Variants in EPHA6 observed in about 807,000 individuals in gnomAD.
The protein encoded by EPHA6 is EPH receptor A6.
EPHA6 carries 50 observed loss-of-function variants against 112.0 expected under a neutral mutation model. That is an observed-to-expected ratio of 0.45 (90% CI 0.36 to 0.56). The LOEUF (loss-of-function observed/expected upper bound fraction) is 0.56. EPHA6 is among the 20% of genes least tolerant of loss of function. The pLI is 0.00. For synonymous variants in EPHA6, 529 were observed against 490.7 expected, an observed-to-expected ratio of 1.08 and a Z score of -1.03; for missense variants, 1,280 against 1,417.4, an observed-to-expected ratio of 0.90 and a Z score of 1.56.
chr3:97,659,862 A>G (rs770595324), intron 14 of EPHA6, among the ~76,000 whole-genome samples: 1 of 152,020 alleles, frequency 6.6e-6, no homozygotes, highest in Non-Finnish European at 1.5e-5. Flanking sequence ...TTTAGAACAC[A>G]TTTGTTCAAG....
At chr3:97,226,198 G>C in intron 3 of EPHA6, 66 bp from the exon 4 acceptor site, 1 of 1,342,516 alleles carries the variant, frequency 7.4e-7, no homozygotes, top group Non-Finnish European at 1.0e-6. Context: ...AAAGTATGTT[G>C]TACATGTACA....
chr3:97,121,642 A>C (rs532756810), intron 3 of EPHA6, among the ~76,000 whole-genome samples: 6 of 152,222 alleles, frequency 3.9e-5, no homozygotes, highest in Non-Finnish European at 8.8e-5. Context: ...ACACTCATGG[A>C]GCACTGTAGG....
chr3:97,599,622 C>G (rs1277722204), intron 12 of EPHA6, among the ~76,000 whole-genome samples: 7 of 151,658 alleles, frequency 4.6e-5, no homozygotes, highest in African/African-American at 1.7e-4. Context: ...TTCCATTGAT[C>G]TATATCTCTG....
chr3:97,684,184 T>C (rs1458714971), intron 14 of EPHA6, among the ~76,000 whole-genome samples: 1 of 152,190 alleles, frequency 6.6e-6, no homozygotes, highest in East Asian at 1.9e-4. Flanking sequence ...TTAATTCTTT[T>C]TCGTACTCAG....
chr3:96,929,488 A>G (rs1487112371), intron 2 of EPHA6, among the ~76,000 whole-genome samples: 1 of 152,154 alleles, frequency 6.6e-6, no homozygotes, highest in Non-Finnish European at 1.5e-5. Flanking sequence ...TCCTTCACTT[A>G]TGAAGCTTAG....
At chr3:96,952,873 T>A (rs576990716) in intron 2 of EPHA6, among the ~76,000 whole-genome samples, 1 of 151,370 alleles carries the variant, frequency 6.6e-6, no homozygotes, top group South Asian at 2.1e-4. Flanking sequence ...CTGTGGAGGG[T>A]GGGAGGAGGG....
chr3:97,671,391 A>T (rs2030808759), intron 14 of EPHA6, among the ~76,000 whole-genome samples: 1 of 152,168 alleles, frequency 6.6e-6, no homozygotes, highest in Non-Finnish European at 1.5e-5. Flanking sequence ...GGACTTCTAT[A>T]ATCTGTTCAT....
intron 1 of EPHA6, among the ~76,000 whole-genome samples, chr3:96,836,077 A>G (rs1462011118): frequency 6.6e-6 from 1 of 152,120 alleles, no homozygotes; most frequent in East Asian, 1.9e-4. Flanking sequence ...TGGCTACTAC[A>G]TGAGGTATGC....
At chr3:97,084,785 T>C (rs924772996) in intron 3 of EPHA6, among the ~76,000 whole-genome samples, 6 of 152,068 alleles carry the variant, frequency 3.9e-5, no homozygotes, top group African/African-American at 4.8e-5. Flanking sequence ...CCCAGGCTCA[T>C]GGATTGGAAG....
chr3:97,329,811 CTTTAG>C (rs1464278480), intron 5 of EPHA6, among the ~76,000 whole-genome samples: 2 of 151,956 alleles, frequency 1.3e-5, no homozygotes, highest in African/African-American at 4.8e-5. Context: ...TGCAGAAGCT[CTTTAG>C]TTTAATTAGA....
intron 1 of EPHA6, among the ~76,000 whole-genome samples, chr3:96,847,501 T>C (rs922205077): frequency 1.3e-5 from 2 of 152,078 alleles, no homozygotes; most frequent in Non-Finnish European, 2.9e-5. Flanking sequence ...AATAAAGTAA[T>C]GTTTCTCTTA....
chr3:97,708,686 G>A lies in EPHA6; in HGVS notation c.2785-11575G>A, dbSNP rs116126377. On this transcript the variant is annotated intron_variant, in intron 14 of 17. Coordinates refer to ENST00000389672, the MANE Select transcript of EPHA6 (RefSeq NM_001080448.3). ...CTTCATGGCAGTTCTTCCCAACACA[G>A]GCCTGGAGGCCTAGGAGTGAAAAGT... Among the ~76,000 whole-genome samples the A allele has an allele frequency of 6.4e-3, 977 of 152,340 alleles. 11 individuals are homozygous for A. The highest frequency in any genetic ancestry group is 0.022 in the African/African-American group (932 of 41,580).
intron 3 of EPHA6, among the ~76,000 whole-genome samples, chr3:97,087,274 G>T (rs879431679): frequency 1.3e-5 from 2 of 152,118 alleles, no homozygotes; most frequent in African/African-American, 4.8e-5. Context: ...CCTTGATGGG[G>T]ATGTTGTGTC....
At chr3:97,469,021 G>A (rs1168083843) in intron 7 of EPHA6, among the ~76,000 whole-genome samples, 1 of 151,632 alleles carries the variant, frequency 6.6e-6, no homozygotes, top group African/African-American at 2.4e-5. Context: ...ATAGTTTGGA[G>A]GCAAACGTTT....
chr3:97,637,131 A>C (rs896873705), intron 13 of EPHA6, among the ~76,000 whole-genome samples: 8 of 152,072 alleles, frequency 5.3e-5, no homozygotes, highest in African/African-American at 1.9e-4. Context: ...ATCAAGGTGG[A>C]GGGAATAAGA....
At chr3:97,402,868 C>T (rs1187817763) in intron 5 of EPHA6, among the ~76,000 whole-genome samples, 1 of 152,064 alleles carries the variant, frequency 6.6e-6, no homozygotes, top group East Asian at 1.9e-4. Flanking sequence ...AATACTTTGT[C>T]CTTAGAACAC....
At chr3:96,850,931 CAT>C (rs1212308389) in intron 1 of EPHA6, among the ~76,000 whole-genome samples, 1 of 151,908 alleles carries the variant, frequency 6.6e-6, no homozygotes, top group African/African-American at 2.4e-5. Context: ...AAATGCAAAA[CAT>C]ATATTAAAAT....
At chr3:96,857,472 A>G (rs1042755265) in intron 1 of EPHA6, among the ~76,000 whole-genome samples, 2 of 152,148 alleles carry the variant, frequency 1.3e-5, no homozygotes, top group African/African-American at 4.8e-5. Context: ...GAAATATGCC[A>G]AAAAAGATTA....
intron 14 of EPHA6, among the ~76,000 whole-genome samples, chr3:97,715,584 T>G (rs1448992519): frequency 6.6e-6 from 1 of 152,204 alleles, no homozygotes; most frequent in Non-Finnish European, 1.5e-5. Flanking sequence ...AGAGACATTT[T>G]AAGTGTTCTT....
Sources: allele counts gnomAD v4.1 joint callset (sites outside exome capture counted in the v4.1 genomes callset), GRCh38; gene constraint gnomAD v4.1.1; transcripts MANE v1.5; gene names NCBI Gene and HGNC (gene_info 2026-07-23, HGNC 2026-07-21).